Variants in SPATS2 observed in about 807,000 individuals in gnomAD.
The protein encoded by SPATS2 is spermatogenesis associated serine rich 2.
SPATS2 carries 38 observed loss-of-function variants against 63.7 expected under a neutral mutation model. The ratio of observed to expected loss-of-function variants is 0.60; its 90% CI spans 0.46 to 0.78. The LOEUF (loss-of-function observed/expected upper bound fraction) is 0.78, where lower values mean the gene tolerates loss of function less well. Ranked by LOEUF, SPATS2 falls within the 30% of genes least tolerant of loss-of-function variation. The probability of loss-of-function intolerance (pLI) is 0.00; values close to 1 mark genes in which losing one functional copy is unlikely to be tolerated. For missense variants in SPATS2, 588 were observed against 666.2 expected (o/e 0.88, Z 1.29); for synonymous variants, 207 against 232.9 (o/e 0.89, Z 1.01).
chr12:49,386,057 C>T (rs113463684), intron 2 of SPATS2, among the ~76,000 whole-genome samples: 13,956 of 151,272 alleles, frequency 0.092, 747 homozygotes, highest in African/African-American at 0.14. Context: ...TTAGTAGAGT[C>T]GGGGTTTCAC....
intron 3 of SPATS2, among the ~76,000 whole-genome samples, chr12:49,481,561 G>A (rs892884116): frequency 6.9e-6 from 1 of 145,252 alleles, no homozygotes; most frequent in Non-Finnish European, 1.5e-5. Flanking sequence ...TCTGCCTCCC[G>A]GGTTCAAGCA....
chr12:49,485,407 G>A (rs1445172602), intron 4 of SPATS2, among the ~76,000 whole-genome samples: 1 of 152,112 alleles, frequency 6.6e-6, no homozygotes, highest in African/African-American at 2.4e-5. Flanking sequence ...TGTCACCCAG[G>A]TTGGAGTGCA....
At chr12:49,461,853 CTA>C (rs1368824562) in intron 3 of SPATS2, among the ~76,000 whole-genome samples, 3 of 152,074 alleles carry the variant, frequency 2.0e-5, no homozygotes, top group African/African-American at 4.8e-5. Context: ...TGTAGTAAAT[CTA>C]TAGGAAGAAT....
chr12:49,481,174 A>G (rs1033776497), intron 3 of SPATS2, among the ~76,000 whole-genome samples: 5 of 152,264 alleles, frequency 3.3e-5, no homozygotes, highest in African/African-American at 1.2e-4. Flanking sequence ...AGCCTGACCA[A>G]CATGGTGAAA....
intron 3 of SPATS2, chr12:49,462,503 T>C (rs1431644074): frequency 1.4e-6 from 1 of 697,056 alleles, no homozygotes. Flanking sequence ...TTTCCCCCCG[T>C]GTGTGGGGTG....
intron 2 of SPATS2, chr12:49,387,022 G>A (rs573028158): frequency 3.2e-4 from 49 of 152,310 alleles, no homozygotes; most frequent in African/African-American, 1.1e-3. Flanking sequence ...ATTTTTATAG[G>A]ATATTCGATG....
intron 8 of SPATS2, 40 bp from the exon 9 acceptor site, chr12:49,500,030 T>G: frequency 7.5e-7 from 1 of 1,342,280 alleles, no homozygotes; most frequent in Non-Finnish European, 9.6e-7. Context: ...TATATAATTA[T>G]TCTTTTTTTT....
chr12:49,378,122 G>A (rs542047163), intron 2 of SPATS2, among the ~76,000 whole-genome samples: 1 of 152,064 alleles, frequency 6.6e-6, no homozygotes, highest in South Asian at 2.1e-4. Flanking sequence ...ATAGGTGCTC[G>A]CCACCATGCC....
intron 3 of SPATS2, among the ~76,000 whole-genome samples, chr12:49,468,081 T>C (rs1945957840): frequency 6.6e-6 from 1 of 151,068 alleles, no homozygotes; most frequent in Admixed American, 6.6e-5. Flanking sequence ...CTTTTCTCTC[T>C]TCTCTTCTCC....
chr12:49,520,736 T>G (rs12299137), intron 11 of SPATS2, among the ~76,000 whole-genome samples: 1 of 152,052 alleles, frequency 6.6e-6, no homozygotes, highest in African/African-American at 2.4e-5. Context: ...AATTTTTTTT[T>G]TTTTTTGAGT....
Position 49,484,439 on chromosome 12 carries a change from T to C in SPATS2, c.26-151T>C, listed in dbSNP as rs1022410259. 1.6e-5 allele frequency: 10 copies of C among 610,674 alleles called. No homozygotes were observed. The South Asian group carries it at 2.2e-4, about 13-fold the overall frequency. 37.8% of individuals were successfully genotyped at this position (610,674 alleles called of 1,614,324 possible). A position where few individuals can be genotyped will look rare whatever the true frequency, so the allele number is the denominator to read the frequency against. On this transcript the variant is annotated intron_variant, in intron 3 of 13. Transcript: ENST00000552918. ...TTATAAGTTTAATTCAAAAGGCAGT[T>C]ATATGTTATCTATGTAACAGAATTT...
At chr12:49,522,228 G>T (rs1946953725) in intron 11 of SPATS2, among the ~76,000 whole-genome samples, 1 of 151,826 alleles carries the variant, frequency 6.6e-6, no homozygotes, top group Admixed American at 6.6e-5. Context: ...CATTTGCAAA[G>T]TTGACTTTTC....
At chr12:49,397,883 C>T (rs2137281700) in intron 2 of SPATS2, among the ~76,000 whole-genome samples, 1 of 146,660 alleles carries the variant, frequency 6.8e-6, no homozygotes, top group East Asian at 2.0e-4. Flanking sequence ...AGCATGGTGG[C>T]CCACATCTGT....
intron 3 of SPATS2, among the ~76,000 whole-genome samples, chr12:49,481,421 A>G (rs1212021689): frequency 1.3e-5 from 2 of 152,080 alleles, no homozygotes; most frequent in African/African-American, 2.4e-5. Flanking sequence ...GATAGAGTGA[A>G]ATAAATAAGA....
At chr12:49,392,669 C>CA (rs1353771421) in intron 2 of SPATS2, among the ~76,000 whole-genome samples, 12 of 149,296 alleles carry the variant, frequency 8.0e-5, no homozygotes, top group Non-Finnish European at 1.8e-4. Context: ...GCCGAGATCT[C>CA]ACCACTGCAC....
At position 49,511,560 on chromosome 12, in the gene SPATS2, A is replaced by C. The variant is rs1257563225; in HGVS notation, c.840-2995A>C. 2.0e-5 allele frequency among the ~76,000 whole-genome samples: 3 copies of C among 152,158 alleles called. No individual in the cohort carries two copies. The East Asian group carries it at 5.8e-4, about 29-fold the overall frequency. On this transcript the variant is annotated intron_variant, in intron 9 of 13. Transcript: ENST00000552918. ...GTACCCTGAGGTATTGGAGTGAGCA[A>C]GGTAATAGAGAGTCTGAATGAGCCT...
At chr12:49,484,130 T>C (rs1438689140) in intron 3 of SPATS2, among the ~76,000 whole-genome samples, 1 of 152,254 alleles carries the variant, frequency 6.6e-6, no homozygotes, top group Non-Finnish European at 1.5e-5. Context: ...CACATGAATG[T>C]ATTCACGGGT....
intron 2 of SPATS2, among the ~76,000 whole-genome samples, chr12:49,392,819 A>T (rs889183665): frequency 2.0e-5 from 3 of 151,878 alleles, no homozygotes; most frequent in African/African-American, 7.3e-5. Context: ...TGGGAAGCTG[A>T]GTTGGGTGGA....
intron 2 of SPATS2, among the ~76,000 whole-genome samples, chr12:49,386,062 T>TGAAA (rs773833480): frequency 1.3e-5 from 2 of 151,726 alleles, no homozygotes; most frequent in South Asian, 2.1e-4. Flanking sequence ...AGAGTCGGGG[T>TGAAA]TTCACCATGT....
Sources: gnomAD v4.1 joint callset for allele counts (sites outside exome capture counted in the v4.1 genomes callset) on GRCh38, gnomAD v4.1.1 for gene constraint, MANE v1.5 for transcripts, NCBI Gene and HGNC (gene_info 2026-07-23, HGNC 2026-07-21) for gene names.